The following COP1 variants were observed in gnomAD, a reference collection of about 807,000 sequenced individuals.
COP1 encodes the protein E3 ubiquitin-protein ligase COP1.
A neutral mutation model predicts 101.3 loss-of-function variants in COP1; 24 were observed. That is an observed-to-expected ratio of 0.24 (90% confidence interval 0.17 to 0.33). The LOEUF (loss-of-function observed/expected upper bound fraction) is 0.33, where lower values mean the gene tolerates loss of function less well. Ranked by LOEUF, COP1 falls within the 10% of genes least tolerant of loss-of-function variation. The pLI is 1.00. For synonymous variants in COP1, 347 were observed against 341.9 expected (o/e 1.01, Z -0.17); for missense variants, 663 against 906.2 (o/e 0.73, Z 3.45).
At chr1:176,206,275 T>G in intron 1 of COP1, 1 of 398,452 alleles carries the variant, frequency 2.5e-6, no homozygotes, top group East Asian at 5.2e-5. Flanking sequence ...CCAAAACCAT[T>G]TATTTGACCT....
intron 6 of COP1, among the ~76,000 whole-genome samples, chr1:176,148,018 A>G (rs992227859): frequency 1.3e-5 from 2 of 152,094 alleles, no homozygotes; most frequent in Non-Finnish European, 2.9e-5. Flanking sequence ...ATTGCCATTT[A>G]TATTGCACCA....
chr1:176,143,642 C>T (rs10798445), intron 6 of COP1, among the ~76,000 whole-genome samples: 110,697 of 151,842 alleles, frequency 0.73, 41,447 homozygotes, highest in African/African-American at 0.91. Context: ...ATATACATAA[C>T]GGCCAAGTTT....
At chr1:175,993,637 G>T (rs547326517) in intron 15 of COP1, among the ~76,000 whole-genome samples, 1 of 152,152 alleles carries the variant, frequency 6.6e-6, no homozygotes, top group Non-Finnish European at 1.5e-5. Context: ...TGGAAGAAAG[G>T]GTATCAGTGA....
At chr1:176,093,175 A>G (rs1681650279) in intron 9 of COP1, among the ~76,000 whole-genome samples, 1 of 152,214 alleles carries the variant, frequency 6.6e-6, no homozygotes, top group Admixed American at 6.5e-5. Context: ...AAACATAAAT[A>G]TCAGAAAAAT....
intron 11 of COP1, among the ~76,000 whole-genome samples, chr1:176,067,398 C>T (rs529098354): frequency 1.1e-4 from 17 of 152,284 alleles, no homozygotes; most frequent in African/African-American, 3.9e-4. Context: ...CCTATAAAAA[C>T]TCCGACACCC....
chr1:176,111,498 T>C lies in COP1; in HGVS notation c.1026+5126A>G, dbSNP rs546004450. Among the ~76,000 whole-genome samples the C allele has an allele frequency of 7.0e-4, 107 of 152,230 alleles. 3 individuals carry two copies. Among genetic ancestry groups the C allele is most frequent in the African/African-American group, 2.5e-3 (104 of 41,542 alleles). ...TTAGTAGAGACGGGGTTTCACCGTGTTGGCCAGGATGGTTTCGATCTCTTG... is the reference window on the plus strand; with the variant it reads ...TTAGTAGAGACGGGGTTTCACCGTGCTGGCCAGGATGGTTTCGATCTCTTG... On this transcript the variant is annotated intron_variant, in intron 9 of 19. Transcript: ENST00000367669.
intron 11 of COP1, 53 bp downstream of exon 11, chr1:176,081,099 A>G (rs1268117428): frequency 5.5e-6 from 8 of 1,448,526 alleles, no homozygotes; most frequent in South Asian, 1.2e-5. Flanking sequence ...CTCAAATTCA[A>G]TTAGATTCTA....
intron 1 of COP1, chr1:176,206,236 A>G: frequency 3.3e-6 from 1 of 299,520 alleles, no homozygotes; most frequent in South Asian, 4.0e-5. Flanking sequence ...AAAAATTTTA[A>G]GACTCAACCT....
chr1:175,956,859 T>C (rs1558159809), intron 18 of COP1, among the ~76,000 whole-genome samples: 1 of 152,188 alleles, frequency 6.6e-6, no homozygotes, highest in Non-Finnish European at 1.5e-5. Flanking sequence ...CCATAGGAGA[T>C]GACAGCTCTA....
At chr1:176,010,107 C>T (rs1396716195) in intron 15 of COP1, among the ~76,000 whole-genome samples, 2 of 152,056 alleles carry the variant, frequency 1.3e-5, no homozygotes, top group Non-Finnish European at 2.9e-5. Context: ...CTAGACTCAC[C>T]AACTGTAAAT....
intron 14 of COP1, among the ~76,000 whole-genome samples, chr1:176,040,176 A>G (rs1179458208): frequency 1.3e-5 from 2 of 152,130 alleles, no homozygotes; most frequent in Non-Finnish European, 2.9e-5. Flanking sequence ...CTATTGTAAC[A>G]TGGTACTCTC....
intron 5 of COP1, among the ~76,000 whole-genome samples, chr1:176,152,753 A>C (rs1014742947): frequency 6.6e-6 from 1 of 152,124 alleles, no homozygotes; most frequent in Non-Finnish European, 1.5e-5. Flanking sequence ...AATTCTAACC[A>C]AAAAAACCCT....
intron 17 of COP1, among the ~76,000 whole-genome samples, chr1:175,988,005 T>C (rs1408600980): frequency 6.6e-6 from 1 of 152,144 alleles, no homozygotes; most frequent in Non-Finnish European, 1.5e-5. Context: ...CTACACAATA[T>C]CTAAAGAATT....
At chr1:176,036,030 A>G (rs1669472421) in intron 14 of COP1, among the ~76,000 whole-genome samples, 1 of 152,128 alleles carries the variant, frequency 6.6e-6, no homozygotes, top group African/African-American at 2.4e-5. Flanking sequence ...AGAGAATAAC[A>G]AGAGAAATCA....
At chr1:176,110,040 A>T (rs1685007803) in intron 9 of COP1, among the ~76,000 whole-genome samples, 1 of 152,152 alleles carries the variant, frequency 6.6e-6, no homozygotes, top group Non-Finnish European at 1.5e-5. Flanking sequence ...TTTAACACAC[A>T]GGTACTCAGA....
chr1:176,118,212 G>A (rs2149608758), intron 8 of COP1, among the ~76,000 whole-genome samples: 1 of 152,322 alleles, frequency 6.6e-6, no homozygotes, highest in East Asian at 1.9e-4. Context: ...ATAAGATAAT[G>A]CATGTGAAGT....
At chr1:176,169,153 G>C (rs1259375718) in intron 3 of COP1, among the ~76,000 whole-genome samples, 8 of 152,038 alleles carry the variant, frequency 5.3e-5, no homozygotes, top group Non-Finnish European at 1.0e-4. Flanking sequence ...GGTTTCTCAA[G>C]ACTCACACAT....
At chr1:176,102,415 G>A (rs1683575231) in intron 9 of COP1, among the ~76,000 whole-genome samples, 1 of 152,150 alleles carries the variant, frequency 6.6e-6, no homozygotes. Flanking sequence ...AGGAAATGTG[G>A]TCTAAGAAAT....
At chr1:176,075,738 C>G (rs1572082148) in intron 11 of COP1, among the ~76,000 whole-genome samples, 2 of 152,094 alleles carry the variant, frequency 1.3e-5, no homozygotes, top group Admixed American at 1.3e-4. Context: ...GGTGCGGTGG[C>G]TCATGCCTGT....
Sources: gnomAD v4.1 joint callset for allele counts (sites outside exome capture counted in the v4.1 genomes callset) on GRCh38, gnomAD v4.1.1 for gene constraint, MANE v1.5 for transcripts, NCBI Gene and HGNC (gene_info 2026-07-23, HGNC 2026-07-21) for gene names.